Variants in MPPED2 observed in about 807,000 individuals in gnomAD.
The protein encoded by MPPED2 is metallophosphoesterase domain containing 2.
In MPPED2, 5 loss-of-function variants were observed where a neutral mutation model predicts 33.0. The observed-to-expected ratio is 0.15, with a 90% confidence interval of 0.08 to 0.32. The LOEUF is 0.32. Ranked by LOEUF, MPPED2 falls within the 10% of genes least tolerant of loss-of-function variation. The pLI, the probability that MPPED2 is intolerant of heterozygous loss-of-function variation, is 1.00. For synonymous variants in MPPED2, 136 were observed against 141.9 expected (o/e 0.96, Z 0.29); for missense variants, 275 against 372.1 (o/e 0.74, Z 2.15).
intron 2 of MPPED2, among the ~76,000 whole-genome samples, chr11:30,578,068 T>C (rs1957005265): frequency 6.6e-6 from 1 of 151,890 alleles, no homozygotes; most frequent in African/African-American, 2.4e-5. Flanking sequence ...ATGGAGGTGG[T>C]ATAAAGTGTT....
chr11:30,398,398 C>T (rs1003919962), intron 6 of MPPED2, among the ~76,000 whole-genome samples: 22 of 152,086 alleles, frequency 1.4e-4, no homozygotes, highest in African/African-American at 5.1e-4. Context: ...ACTGGGGTTA[C>T]CGTTTATTAG....
Position 30,402,491 on chromosome 11 carries a change from C to T in MPPED2, c.766+11737G>A, listed in dbSNP as rs547543748. On this transcript the variant is annotated intron_variant, in intron 6 of 6. Coordinates refer to the MPPED2 transcript ENST00000448418. ...GTCCCCCATAAAAGCTAGCAGACCTCACATTAATAAAACAACCAGGCTACT... is the reference window on the plus strand; with the variant it reads ...GTCCCCCATAAAAGCTAGCAGACCTTACATTAATAAAACAACCAGGCTACT... 9.2e-5 allele frequency among the ~76,000 whole-genome samples: 14 copies of T among 152,246 alleles called. No homozygotes were observed. The South Asian group carries it at 1.5e-3, about 16-fold the overall frequency.
chr11:30,582,361 A>T (rs1433246100), intron 1 of MPPED2, among the ~76,000 whole-genome samples: 1 of 152,226 alleles, frequency 6.6e-6, no homozygotes, highest in Non-Finnish European at 1.5e-5. Flanking sequence ...GACTGTGAGA[A>T]GTTAGTGTTT....
intron 2 of MPPED2, among the ~76,000 whole-genome samples, chr11:30,578,765 A>G (rs537042447): frequency 1.2e-4 from 19 of 152,330 alleles, no homozygotes; most frequent in South Asian, 4.1e-4. Flanking sequence ...GCTTACACAA[A>G]TATTGTAACA....
chr11:30,566,417 C>T (rs1436777781), intron 2 of MPPED2, among the ~76,000 whole-genome samples: 1 of 152,154 alleles, frequency 6.6e-6, no homozygotes, highest in Non-Finnish European at 1.5e-5. Context: ...CAAAAGTCAA[C>T]TGAAGGCAGA....
chr11:30,562,833 T>C (rs925403610), intron 2 of MPPED2, among the ~76,000 whole-genome samples: 1 of 152,186 alleles, frequency 6.6e-6, no homozygotes, highest in Non-Finnish European at 1.5e-5. Context: ...TGATATTCTA[T>C]TACCAATAAT....
intron 3 of MPPED2, among the ~76,000 whole-genome samples, chr11:30,524,690 T>C (rs1363439133): frequency 2.0e-5 from 3 of 152,150 alleles, no homozygotes; most frequent in Non-Finnish European, 2.9e-5. Flanking sequence ...TTAGGCACCA[T>C]AGAGGTCAGA....
chr11:30,554,195 A>C (rs1181447763), intron 2 of MPPED2, among the ~76,000 whole-genome samples: 1 of 152,128 alleles, frequency 6.6e-6, no homozygotes, highest in Non-Finnish European at 1.5e-5. Context: ...GTTTAGTCCA[A>C]GGCCAGGCTC....
chr11:30,579,678 T>C (rs2134906745), intron 2 of MPPED2, among the ~76,000 whole-genome samples: 1 of 152,246 alleles, frequency 6.6e-6, no homozygotes, highest in Non-Finnish European at 1.5e-5. Flanking sequence ...CCCTTATTCC[T>C]TTGTTCCCCA....
rs371245527 is a variant in MPPED2, at chr11:30,426,322, A to G, written c.537-8689T>C. Among the ~76,000 whole-genome samples, 13 of 152,308 alleles carry G rather than the reference A, an allele frequency of 8.5e-5. No homozygotes were observed. In the South Asian group the frequency reaches 2.7e-3, roughly 32 times the overall value. On this transcript the variant is annotated intron_variant, in intron 4 of 6. Transcript: ENST00000358117. ...TGTTGTCAAGGTTCTTCCATACTGT[A>G]GCATGTGTTAGAAATTCATTCCTTT...
chr11:30,530,417 T>C (rs947994800), intron 3 of MPPED2, among the ~76,000 whole-genome samples: 1 of 152,296 alleles, frequency 6.6e-6, no homozygotes, highest in South Asian at 2.1e-4. Context: ...GAGCACTCAT[T>C]ATGCACACTG....
chr11:30,496,066 G>C (rs1009339581), intron 3 of MPPED2, among the ~76,000 whole-genome samples: 1 of 152,038 alleles, frequency 6.6e-6, no homozygotes, highest in African/African-American at 2.4e-5. Context: ...TTCCTTTTTG[G>C]GTTGTGAATA....
chr11:30,410,400 T>G lies in MPPED2; in HGVS notation c.*1068A>C, dbSNP rs1948061145. 5 of 985,836 alleles carry G rather than the reference T, an allele frequency of 5.1e-6. No homozygotes were observed. The highest frequency in any genetic ancestry group is 6.0e-6 in the Non-Finnish European group (5 of 829,902). The allele number at this position is 985,836 out of a possible 1,614,324, so 61.1% of individuals were successfully genotyped here. A position where few individuals can be genotyped will look rare whatever the true frequency, so the allele number is the denominator to read the frequency against. ...AATGACTATTAGCGACAATATTTTG[T>G]GCTAGCGAAGATTGCATCGACACAC... On this transcript the variant is annotated 3_prime_UTR_variant, in exon 7 of 7. Coordinates refer to ENST00000358117, the MANE Select transcript of MPPED2 (RefSeq NM_001584.3).
At chr11:30,407,500 G>A (rs999658658), downstream of MPPED2, among the ~76,000 whole-genome samples, 18 of 152,142 alleles carry the variant, frequency 1.2e-4, no homozygotes, top group Admixed American at 1.1e-3. Context: ...GGCTTGTTAC[G>A]GTTCCTAAGC....
chr11:30,551,521 A>G (rs1565176668), intron 2 of MPPED2, among the ~76,000 whole-genome samples: 2 of 152,192 alleles, frequency 1.3e-5, no homozygotes, highest in Non-Finnish European at 2.9e-5. Context: ...ATATCTAATA[A>G]ATTTATGAAT....
chr11:30,559,351 T>A (rs2134701059), intron 2 of MPPED2, among the ~76,000 whole-genome samples: 1 of 152,326 alleles, frequency 6.6e-6, no homozygotes, highest in Non-Finnish European at 1.5e-5. Context: ...ATTGCAATCA[T>A]ATTTAAATTC....
chr11:30,403,055 C>T (rs1947932509), intron 6 of MPPED2, among the ~76,000 whole-genome samples: 1 of 152,066 alleles, frequency 6.6e-6, no homozygotes, highest in South Asian at 2.1e-4. Flanking sequence ...ACCATCCTGG[C>T]TAACATGGTG....
At position 30,549,839 on chromosome 11, in the gene MPPED2, G is replaced by T. The variant is rs561353532; in HGVS notation, c.129-13664C>A. ...TGAAGTGAGTGTACTTAGCTAAAGGGCATTGCAATAATTTTTCTCTTCCAC... is the reference window on the plus strand; with the variant it reads ...TGAAGTGAGTGTACTTAGCTAAAGGTCATTGCAATAATTTTTCTCTTCCAC... On this transcript the variant is annotated intron_variant, in intron 2 of 6. Coordinates refer to ENST00000358117, the MANE Select transcript of MPPED2 (RefSeq NM_001584.3). 1.3e-3 allele frequency among the ~76,000 whole-genome samples: 198 copies of T among 152,164 alleles called. 1 individual carries two copies. The highest frequency in any genetic ancestry group is 4.6e-3 in the African/African-American group (192 of 41,488).
intron 4 of MPPED2, among the ~76,000 whole-genome samples, chr11:30,418,557 T>A (rs1948475271): frequency 6.6e-6 from 1 of 151,810 alleles, no homozygotes; most frequent in Non-Finnish European, 1.5e-5. Flanking sequence ...AACATCTAGA[T>A]CTTATCAGTA....
Sources: allele counts gnomAD v4.1 joint callset (sites outside exome capture counted in the v4.1 genomes callset), GRCh38; gene constraint gnomAD v4.1.1; transcripts MANE v1.5; gene names NCBI Gene and HGNC (gene_info 2026-07-23, HGNC 2026-07-21).